The following CYGB variants were observed in gnomAD, a reference collection of about 807,000 sequenced individuals.
CYGB encodes histoglobin.
A neutral mutation model predicts 20.7 loss-of-function variants in CYGB; 13 were observed. The ratio of observed to expected loss-of-function variants is 0.63; its 90% CI spans 0.41 to 1.00. The LOEUF (loss-of-function observed/expected upper bound fraction) is 1.00. Ranked by LOEUF, CYGB falls within the 50% of genes least tolerant of loss-of-function variation. CYGB has a pLI of 0.00. For synonymous variants in CYGB, 93 were observed against 107.4 expected, an observed-to-expected ratio of 0.87 and a Z score of 0.83; for missense variants, 218 against 257.2, an observed-to-expected ratio of 0.85 and a Z score of 1.04.
intron 1 of CYGB, chr17:76,544,763 A>G (rs943363377): frequency 2.2e-6 from 1 of 456,752 alleles, no homozygotes; most frequent in South Asian, 1.5e-5. Flanking sequence ...TCTATTTGCC[A>G]TGTTCCTGTC....
upstream of CYGB, chr17:76,540,250 TC>T (rs8176326): frequency 0.099 from 43,778 of 443,892 alleles, 4,925 homozygotes; most frequent in African/African-American, 0.25. The surrounding 1 kb of genome is among the most constrained non-coding windows in gnomAD (Gnocchi z 5.0). Flanking sequence ...TGGCGGTTGG[TC>T]GGGGGGGGGG....
intron 1 of CYGB, chr17:76,542,972 C>G: frequency 2.0e-6 from 1 of 499,034 alleles, no homozygotes; most frequent in Non-Finnish European, 4.1e-6. Context: ...CTCTGAAATG[C>G]GAGTCCCATC....
chr17:76,530,065 C>T lies in CYGB; in HGVS notation c.539+914G>A. ...GCAGTCTTGGGGGCCCGTGCAGAGC[C>T]CGGCGGGAGACGCCGCCTTTTCCAT... On this transcript the variant is annotated intron_variant, in intron 3 of 3. Transcript: ENST00000293230. The surrounding 1 kb of genome is among the most constrained non-coding windows in gnomAD (Gnocchi z 6.1). 6.1e-6 allele frequency: 6 copies of T among 985,370 alleles called. No individual in the cohort carries two copies. Among genetic ancestry groups the T allele is most frequent in the Non-Finnish European group, 7.2e-6 (6 of 829,902 alleles). 61.0% of individuals were successfully genotyped at this position (985,370 alleles called of 1,614,324 possible).
chr17:76,542,631 C>G (rs745916069), upstream of CYGB: 49 of 1,600,298 alleles, frequency 3.1e-5, no homozygotes, highest in Non-Finnish European at 3.9e-5. Context: ...CTGGCTCAGG[C>G]AGGTAGGGCA....
chr17:76,534,585 C>G (rs955621358), intron 1 of CYGB, among the ~76,000 whole-genome samples: 2 of 152,232 alleles, frequency 1.3e-5, no homozygotes, highest in African/African-American at 4.8e-5. Context: ...TCTCACGAAT[C>G]CTTGCAATTC....
intron 1 of CYGB, among the ~76,000 whole-genome samples, chr17:76,536,198 C>T (rs1243242213): frequency 1.3e-5 from 2 of 152,204 alleles, no homozygotes; most frequent in African/African-American, 4.8e-5. Flanking sequence ...CCTCTAACTC[C>T]TTAGAAGTGC....
rs1205638638 is a variant in CYGB at position 76,528,623 on chromosome 17, A to C, written c.540-12T>G. 1 of 1,273,736 alleles carries C rather than the reference A, an allele frequency of 7.9e-7. No homozygotes were observed. The highest frequency in any genetic ancestry group is 3.0e-5 in the East Asian group (1 of 33,212). 78.9% of individuals were successfully genotyped at this position (1,273,736 alleles called of 1,614,324 possible). On this transcript the variant is annotated splice_polypyrimidine_tract_variant and intron_variant, in intron 3 of 3. Coordinates refer to ENST00000293230, the MANE Select transcript of CYGB (RefSeq NM_134268.5). This position sits in a 1 kb window ranked among gnomAD's most constrained non-coding sequence, Gnocchi z 5.8. ...GTGTGGCCGGTGGGCTGTGGACGAG[A>C]TAGGAAGGGAAGGACAAACGTTACC...
Position 76,528,023 on chromosome 17 carries a change from T to C in CYGB, c.*555A>G, listed in dbSNP as rs966677003. Reference sequence around the variant, plus strand: ...ATTTCCTCTTTGCCAGAACACTCTGTTCTCTGCACAACCGGAACCCCTCCC... The same window carrying C: ...ATTTCCTCTTTGCCAGAACACTCTGCTCTCTGCACAACCGGAACCCCTCCC... On this transcript the variant is annotated 3_prime_UTR_variant, in exon 4 of 4. Coordinates refer to ENST00000293230, the MANE Select transcript of CYGB (RefSeq NM_134268.5). The surrounding 1 kb of genome is among the most constrained non-coding windows in gnomAD (Gnocchi z 5.8). 2.7e-5 allele frequency: 10 copies of C among 366,430 alleles called. No homozygotes were observed. The highest frequency in any genetic ancestry group is 2.6e-4 in the Admixed American group (7 of 27,036). The allele number at this position is 366,430 out of a possible 1,614,324, so 22.7% of individuals were successfully genotyped here.
intron 1 of CYGB, chr17:76,545,604 G>A (rs555605652): frequency 1.0e-4 from 34 of 339,816 alleles, no homozygotes; most frequent in Middle Eastern, 1.1e-3. Context: ...TTTGAACCTT[G>A]TTCCACCAGC....
At chr17:76,536,350 T>C (rs1390830303) in intron 1 of CYGB, among the ~76,000 whole-genome samples, 2 of 152,148 alleles carry the variant, frequency 1.3e-5, no homozygotes, top group Non-Finnish European at 2.9e-5. Flanking sequence ...AAGGATGCAC[T>C]AAAGCTGCCC....
In CYGB at chr17:76,528,663, A is replaced by G. The variant is rs1598199713; in HGVS notation, c.540-52T>C. On this transcript the variant is annotated intron_variant, in intron 3 of 3. Transcript: ENST00000293230. This position sits in a 1 kb window ranked among gnomAD's most constrained non-coding sequence, Gnocchi z 5.8. ...CAAACGTTACCAGAGGCAGGGAAGG[A>G]CCCTCGGGGGAAAGGGGGAGGACCT... is the stretch of plus-strand genomic sequence containing the variant. The G allele has an allele frequency of 3.2e-6, 4 of 1,251,438 alleles. No homozygotes were observed. Among genetic ancestry groups the G allele is most frequent in the Non-Finnish European group, 4.0e-6 (4 of 988,208 alleles). The allele number at this position is 1,251,438 out of a possible 1,614,324, so 77.5% of individuals were successfully genotyped here. A position where few individuals can be genotyped will look rare whatever the true frequency, so the allele number is the denominator to read the frequency against.
chr17:76,530,142 G>GAATGTT lies in CYGB; in HGVS notation c.539+836_539+837insAACATT. On this transcript the variant is annotated intron_variant, in intron 3 of 3. Transcript: ENST00000293230. The surrounding 1 kb of genome is among the most constrained non-coding windows in gnomAD (Gnocchi z 6.1). ...CCACGGGAATGTTTCTCTACCACGC[G>GAATGTT]TGTCCCGGGCTGCTGGCTGACCTCT... is the stretch of plus-strand genomic sequence containing the variant. 2 of 965,480 alleles carry GAATGTT rather than the reference G, an allele frequency of 2.1e-6. No individual in the cohort carries two copies. Among genetic ancestry groups the GAATGTT allele is most frequent in the Non-Finnish European group, 2.5e-6 (2 of 811,884 alleles). 59.8% of individuals were successfully genotyped at this position (965,480 alleles called of 1,614,324 possible).
At chr17:76,532,235 C>T (rs1455029909) in intron 1 of CYGB, among the ~76,000 whole-genome samples, 1 of 152,222 alleles carries the variant, frequency 6.6e-6, no homozygotes, top group Non-Finnish European at 1.5e-5. Flanking sequence ...AACTCATGTC[C>T]ACATTCCCCA....
upstream of CYGB, among the ~76,000 whole-genome samples, chr17:76,541,177 G>T (rs1272132792): frequency 2.6e-5 from 4 of 152,188 alleles, no homozygotes; most frequent in African/African-American, 9.7e-5. Flanking sequence ...TTCCCTGGGT[G>T]ACCAGTGTCG....
In CYGB at chr17:76,531,249, A is replaced by G. The variant is rs891863230; in HGVS notation, c.376-107T>C. 6 of 1,317,230 alleles carry G rather than the reference A, an allele frequency of 4.6e-6. No homozygotes were observed. The highest frequency in any genetic ancestry group is 2.6e-4 in the Middle Eastern group (1 of 3,818). 81.6% of individuals were successfully genotyped at this position (1,317,230 alleles called of 1,614,324 possible). The stretch of plus-strand genomic sequence containing the variant: ...GGCCGAGAGGATCATTCCTAACGCA[A>G]CAGTCTGGCAGCTTTGGGAACCCCG... On this transcript the variant is annotated intron_variant, in intron 2 of 3. Coordinates refer to ENST00000293230, the MANE Select transcript of CYGB (RefSeq NM_134268.5). This position sits in a 1 kb window ranked among gnomAD's most constrained non-coding sequence, Gnocchi z 7.4.
In CYGB at chr17:76,531,258, C is replaced by T; in HGVS notation, c.376-116G>A. The T allele has an allele frequency of 7.8e-7, 1 of 1,289,792 alleles. No homozygotes were observed. The highest frequency in any genetic ancestry group is 1.1e-6 in the Non-Finnish European group (1 of 935,450). 79.9% of individuals were successfully genotyped at this position (1,289,792 alleles called of 1,614,324 possible). The stretch of plus-strand genomic sequence containing the variant: ...GATCATTCCTAACGCAACAGTCTGG[C>T]AGCTTTGGGAACCCCGTGCTCTCAG... On this transcript the variant is annotated intron_variant, in intron 2 of 3. Coordinates refer to ENST00000293230, the MANE Select transcript of CYGB (RefSeq NM_134268.5). The surrounding 1 kb of genome is among the most constrained non-coding windows in gnomAD (Gnocchi z 7.4).
In CYGB at chr17:76,527,477, G is replaced by A. The variant is rs1598198417; in HGVS notation, c.*1101C>T. The A allele has an allele frequency of 2.5e-6, 1 of 403,442 alleles. No homozygotes were observed. The highest frequency in any genetic ancestry group is 2.7e-5 in the Admixed American group (1 of 37,204). The allele number at this position is 403,442 out of a possible 1,614,324, so 25.0% of individuals were successfully genotyped here. A position where few individuals can be genotyped will look rare whatever the true frequency, so the allele number is the denominator to read the frequency against. ...AGGATGAAGATGAGGATGAGGATGGGCCAGGAGGGGACACAGCAGGAGCCA... is the reference window on the plus strand; with the variant it reads ...AGGATGAAGATGAGGATGAGGATGGACCAGGAGGGGACACAGCAGGAGCCA... On this transcript the variant is annotated 3_prime_UTR_variant, in exon 4 of 4. Coordinates refer to ENST00000293230, the MANE Select transcript of CYGB (RefSeq NM_134268.5).
chr17:76,540,514 C>T (rs1302740609), upstream of CYGB: 9 of 1,613,278 alleles, frequency 5.6e-6, no homozygotes, highest in Admixed American at 3.3e-5. This position sits in a 1 kb window ranked among gnomAD's most constrained non-coding sequence, Gnocchi z 5.0. Context: ...GAGAGCCCAG[C>T]GACGTGGATG....
At chr17:76,544,903 T>A in intron 1 of CYGB, 1 of 456,782 alleles carries the variant, frequency 2.2e-6, no homozygotes, top group Non-Finnish European at 4.4e-6. Context: ...TCCACGCCAC[T>A]GTTCCGAGAA....
Sources: allele counts gnomAD v4.1 joint callset (sites outside exome capture counted in the v4.1 genomes callset), GRCh38; gene constraint gnomAD v4.1.1; non-coding constraint Gnocchi (gnomAD v3.1); transcripts MANE v1.5; gene names NCBI Gene and HGNC (gene_info 2026-07-23, HGNC 2026-07-21).